The following COL15A1 variants were observed in gnomAD, a reference collection of about 807,000 sequenced individuals.
COL15A1 encodes collagen type XV alpha 1 chain.
Under a neutral mutation model 165.9 loss-of-function variants are expected in COL15A1, and 111 were observed. The ratio of observed to expected loss-of-function variants is 0.67; its 90% CI spans 0.57 to 0.78. COL15A1 has a LOEUF of 0.78. Ranked by LOEUF, COL15A1 falls within the 30% of genes least tolerant of loss-of-function variation. The pLI is 0.00. For missense variants in COL15A1, 1,745 were observed against 1,789.7 expected, an observed-to-expected ratio of 0.98 and a Z score of 0.45; for synonymous variants, 659 against 674.8, an observed-to-expected ratio of 0.98 and a Z score of 0.36.
intron 11 of COL15A1, among the ~76,000 whole-genome samples, chr9:99,016,925 G>A (rs1838944285): frequency 6.6e-6 from 1 of 152,240 alleles, no homozygotes; most frequent in African/African-American, 2.4e-5. Flanking sequence ...AGGGGCTGTG[G>A]GACGGGAGAT....
intron 2 of COL15A1, among the ~76,000 whole-genome samples, chr9:98,976,628 C>G (rs1838145783): frequency 6.6e-6 from 1 of 152,182 alleles, no homozygotes; most frequent in African/African-American, 2.4e-5. Context: ...CTCACCAGGG[C>G]CTCAGACTGT....
chr9:98,985,851 C>T lies in COL15A1; in HGVS notation c.387C>T (p.Asp129=), dbSNP rs776616947. The T allele has an allele frequency of 5.0e-5, 81 of 1,613,702 alleles. No homozygotes were observed. Among genetic ancestry groups the T allele is most frequent in the Middle Eastern group, 3.3e-4 (2 of 6,084 alleles). The change falls in exon 3 of 42, where the codon GAC becomes GAT. Residue 129 remains aspartate, a synonymous_variant. Coordinates refer to ENST00000375001, the MANE Select transcript of COL15A1 (RefSeq NM_001855.5). Reference sequence around the variant, plus strand: ...GCCTGCGGCTCTCAGGTGTGGAGGACGGCCACCAGCGGATCATCCTCTACT... The same window carrying T: ...GCCTGCGGCTCTCAGGTGTGGAGGATGGCCACCAGCGGATCATCCTCTACT... ...YLGLRLSGVE[D]GHQRIILYYT...
Position 98,944,263 on chromosome 9 carries a change from GT to G in COL15A1, c.100+14del, listed in dbSNP as rs1173674859. 6.2e-7 allele frequency: 1 copy of G among 1,611,998 alleles called. No individual in the cohort carries two copies. Among genetic ancestry groups the G allele is most frequent in the Non-Finnish European group, 8.5e-7 (1 of 1,179,262 alleles). On this transcript the variant is annotated intron_variant, in intron 2 of 41. Transcript: ENST00000375001. Reference sequence around the variant, plus strand: ...CGCGGTGCGACAGGTAAGCAACCCGGTCGGAGGGTGGCACCGGCTGCCTCCG... The same window carrying G: ...CGCGGTGCGACAGGTAAGCAACCCGGCGGAGGGTGGCACCGGCTGCCTCCG...
intron 2 of COL15A1, among the ~76,000 whole-genome samples, chr9:98,974,785 G>T (rs1176896234): frequency 6.6e-6 from 1 of 152,208 alleles, no homozygotes; most frequent in East Asian, 1.9e-4. Context: ...GAGTCACCGT[G>T]GCCCCGTTTA....
intron 2 of COL15A1, among the ~76,000 whole-genome samples, chr9:98,965,376 T>A: frequency 6.6e-6 from 1 of 152,304 alleles, no homozygotes; most frequent in East Asian, 1.9e-4. Context: ...AGGCCTGCAG[T>A]CTTAAGCTCC....
At chr9:98,945,118 G>C (rs990876368) in intron 2 of COL15A1, among the ~76,000 whole-genome samples, 1 of 152,156 alleles carries the variant, frequency 6.6e-6, no homozygotes, top group Non-Finnish European at 1.5e-5. Context: ...TATATACTAG[G>C]CACAAAATAA....
At position 99,049,754 on chromosome 9, in the gene COL15A1, A is replaced by C; in HGVS notation, c.2858A>C (p.Lys953Thr). Reference protein sequence around the residue: ...PGPPGAVINIKGAIFPIPVRP... With the variant: ...PGPPGAVINITGAIFPIPVRP... The stretch of plus-strand genomic sequence containing the variant: ...CCACCTGGAGCTGTGATTAACATCA[A>C]AGGAGTAAGTTGGCACGCAGTGGGA... The change falls in exon 29 of 42, where the codon AAA (lysine) becomes ACA (threonine). Residue 953 changes from lysine to threonine, a missense_variant. By Grantham distance (78) the Lys-to-Thr change is moderately conservative (BLOSUM62 -1). Transcript: ENST00000375001. 3.1e-6 allele frequency: 5 copies of C among 1,614,200 alleles called. No individual in the cohort carries two copies. Among genetic ancestry groups the C allele is most frequent in the Non-Finnish European group, 4.2e-6 (5 of 1,180,030 alleles).
intron 2 of COL15A1, among the ~76,000 whole-genome samples, chr9:98,971,473 G>A (rs745584613): frequency 1.3e-5 from 2 of 152,114 alleles, no homozygotes; most frequent in Non-Finnish European, 2.9e-5. Context: ...CGTACACCGA[G>A]AAGAGCTGAC....
At chr9:98,953,041 G>T (rs1837716356) in intron 2 of COL15A1, among the ~76,000 whole-genome samples, 1 of 152,172 alleles carries the variant, frequency 6.6e-6, no homozygotes, top group Non-Finnish European at 1.5e-5. Flanking sequence ...TTTCTGCATG[G>T]TATGATTAGA....
At chr9:99,039,989 C>T (rs780661004) in intron 22 of COL15A1, among the ~76,000 whole-genome samples, 1 of 152,200 alleles carries the variant, frequency 6.6e-6, no homozygotes, top group Non-Finnish European at 1.5e-5. Flanking sequence ...TATCTGCAGA[C>T]TCTTCTGGCA....
In COL15A1 at chr9:98,987,743, C is replaced by T. The variant is rs78903410; in HGVS notation, c.723+375C>T. Among the ~76,000 whole-genome samples the T allele has an allele frequency of 5.1e-3, 771 of 152,288 alleles. 7 individuals are homozygous for T. Among genetic ancestry groups the T allele is most frequent in the African/African-American group, 0.017 (712 of 41,552 alleles). ...AGCTTTTATGCTTGGCAAATGAGTT[C>T]GTTCCTAAGCTGGGGATGGAGTGGT... On this transcript the variant is annotated intron_variant, in intron 4 of 41. Coordinates refer to ENST00000375001, the MANE Select transcript of COL15A1 (RefSeq NM_001855.5).
At chr9:99,019,138 A>C (rs893842885) in intron 11 of COL15A1, among the ~76,000 whole-genome samples, 1 of 152,200 alleles carries the variant, frequency 6.6e-6, no homozygotes, top group Non-Finnish European at 1.5e-5. Context: ...GTCTAAAAGC[A>C]CAAGATTGTC....
At position 99,063,710 on chromosome 9, in the gene COL15A1, G is replaced by T. The variant is rs143175172; in HGVS notation, c.3651+601G>T. Among the ~76,000 whole-genome samples, 364 of 152,290 alleles carry T rather than the reference G, an allele frequency of 2.4e-3. 3 individuals carry two copies. Among genetic ancestry groups the T allele is most frequent in the African/African-American group, 8.5e-3 (355 of 41,554 alleles). On this transcript the variant is annotated intron_variant, in intron 39 of 41. Transcript: ENST00000375001. ...AAGGGACAGGAGCAGGGGTCCAAAGGCCAGTTAGGTGACTCCTGTGTTATC... is the reference window on the plus strand; with the variant it reads ...AAGGGACAGGAGCAGGGGTCCAAAGTCCAGTTAGGTGACTCCTGTGTTATC...
intron 2 of COL15A1, among the ~76,000 whole-genome samples, chr9:98,976,952 A>G (rs1826225476): frequency 6.6e-6 from 1 of 152,126 alleles, no homozygotes; most frequent in African/African-American, 2.4e-5. Flanking sequence ...GCAGTTCCTC[A>G]AGTGGAGGGA....
At chr9:99,014,762 A>G (rs560434979) in intron 9 of COL15A1, among the ~76,000 whole-genome samples, 1 of 152,228 alleles carries the variant, frequency 6.6e-6, no homozygotes, top group Non-Finnish European at 1.5e-5. Flanking sequence ...TATGCATTTT[A>G]GGGAGACATG....
At chr9:98,945,390 G>A (rs1484533653) in intron 2 of COL15A1, among the ~76,000 whole-genome samples, 3 of 152,208 alleles carry the variant, frequency 2.0e-5, no homozygotes, top group Non-Finnish European at 4.4e-5. Flanking sequence ...CCCTTGCTCA[G>A]CTCTTTCTCC....
chr9:99,049,759 G>A lies in COL15A1; in HGVS notation c.2862+1G>A. The A allele has an allele frequency of 6.2e-7, 1 of 1,614,280 alleles. No individual in the cohort carries two copies. Among genetic ancestry groups the A allele is most frequent in the Non-Finnish European group, 8.5e-7 (1 of 1,180,048 alleles). On this transcript the variant is annotated splice_donor_variant, in intron 29 of 41. Transcript: ENST00000375001. LOFTEE classifies it high-confidence loss of function. ...TGGAGCTGTGATTAACATCAAAGGA[G>A]TAAGTTGGCACGCAGTGGGAAGACC...
chr9:99,067,406 G>A (rs917500233), intron 40 of COL15A1, among the ~76,000 whole-genome samples: 8 of 152,160 alleles, frequency 5.3e-5, no homozygotes, highest in African/African-American at 1.9e-4. Flanking sequence ...AGAAAACTGA[G>A]GCTCAGAAGA....
chr9:98,956,600 T>C (rs1014694676), intron 2 of COL15A1, among the ~76,000 whole-genome samples: 6 of 152,162 alleles, frequency 3.9e-5, no homozygotes, highest in Non-Finnish European at 8.8e-5. Context: ...ATGAAGAAAT[T>C]CAATTACAAC....
Sources: gnomAD v4.1 joint callset for allele counts (sites outside exome capture counted in the v4.1 genomes callset) on GRCh38, gnomAD v4.1.1 for gene constraint, MANE v1.5 for transcripts, NCBI Gene and HGNC (gene_info 2026-07-23, HGNC 2026-07-21) for gene names.